CCSER1: variants seen among roughly 807,000 people sequenced by gnomAD.
CCSER1 encodes the protein coiled-coil serine rich protein 1, also known as serine-rich coiled-coil domain-containing protein 1.
CCSER1 carries 41 observed loss-of-function variants against 82.0 expected under a neutral mutation model. That is an observed-to-expected ratio of 0.50 (90% CI 0.39 to 0.65). The LOEUF (loss-of-function observed/expected upper bound fraction) is 0.65. Ranked by LOEUF, CCSER1 falls within the 30% of genes least tolerant of loss-of-function variation. The probability of loss-of-function intolerance (pLI) is 0.00; values close to 1 mark genes in which losing one functional copy is unlikely to be tolerated. For missense variants in CCSER1, 1,119 were observed against 1,064.2 expected (o/e 1.05, Z -0.72); for synonymous variants, 414 against 383.9 (o/e 1.08, Z -0.92).
intron 1 of CCSER1, among the ~76,000 whole-genome samples, chr4:90,233,628 A>G (rs987041511): frequency 4.1e-5 from 4 of 96,754 alleles, no homozygotes; most frequent in African/African-American, 3.1e-4. Flanking sequence ...TATAATAATA[A>G]TAAATTAAAA....
At chr4:91,120,160 A>G (rs1440039536) in intron 10 of CCSER1, among the ~76,000 whole-genome samples, 2 of 152,044 alleles carry the variant, frequency 1.3e-5, no homozygotes, top group East Asian at 1.9e-4. Flanking sequence ...TTAAGAGTCA[A>G]TGATCATACC....
intron 8 of CCSER1, among the ~76,000 whole-genome samples, chr4:90,909,693 C>T (rs186704939): frequency 2.0e-5 from 3 of 152,154 alleles, no homozygotes; most frequent in Admixed American, 1.3e-4. Flanking sequence ...TCCCTCTTTA[C>T]GAGGCCTTTC....
At chr4:90,241,054 C>T (rs1036461638) in intron 1 of CCSER1, among the ~76,000 whole-genome samples, 1 of 152,162 alleles carries the variant, frequency 6.6e-6, no homozygotes, top group Non-Finnish European at 1.5e-5. Context: ...AACTGTTTAG[C>T]CCCAGAGTGT....
Position 91,357,791 on chromosome 4 carries a change from CA to C in CCSER1, c.2218-240780del, listed in dbSNP as rs370150935. Among the ~76,000 whole-genome samples, 73 of 134,624 alleles carry C rather than the reference CA, an allele frequency of 5.4e-4. 1 individual carries two copies. The East Asian group carries it at 0.014, about 26-fold the overall frequency. The allele number at this position is 134,624 out of a possible 152,430, so 88.3% of individuals were successfully genotyped here. ...TCTCAACTTTCTGACTTATTACAAACATTTTTTTTTTCTTTAAACAACCAGT... is the reference window on the plus strand; with the variant it reads ...TCTCAACTTTCTGACTTATTACAAACTTTTTTTTTTCTTTAAACAACCAGT... On this transcript the variant is annotated intron_variant, in intron 10 of 10. Coordinates refer to ENST00000509176, the MANE Select transcript of CCSER1 (RefSeq NM_001145065.2).
intron 10 of CCSER1, among the ~76,000 whole-genome samples, chr4:91,538,698 C>CATATATATTATATATATATATATTATAT (rs1761434103): frequency 7.2e-6 from 1 of 138,340 alleles, no homozygotes; most frequent in Non-Finnish European, 1.5e-5. Flanking sequence ...TATATATACA[C>CATATATATTATATATATATATATTATAT]ATATATATAT....
chr4:91,221,239 C>T (rs1737716320), intron 10 of CCSER1, among the ~76,000 whole-genome samples: 1 of 152,054 alleles, frequency 6.6e-6, no homozygotes, highest in Admixed American at 6.6e-5. Flanking sequence ...TTTCCTCTAA[C>T]ATCTCACTAT....
intron 1 of CCSER1, among the ~76,000 whole-genome samples, chr4:90,307,152 AAG>A (rs1734432964): frequency 6.6e-6 from 1 of 152,148 alleles, no homozygotes; most frequent in African/African-American, 2.4e-5. Flanking sequence ...TAAGGTGTGA[AAG>A]AGATAATCTG....
rs1738859219 is a variant in CCSER1 at position 91,234,567 on chromosome 4, A to G, written c.2217+148573A>G. ...AAAGCATAAACTAAATTTGAATACC[A>G]TAAAATAATATGTGGGATATGAGAC... On this transcript the variant is annotated intron_variant, in intron 10 of 10. Transcript: ENST00000509176. Among the ~76,000 whole-genome samples the G allele has an allele frequency of 9.2e-5, 14 of 152,268 alleles. No individual in the cohort carries two copies. The South Asian group carries it at 2.9e-3, about 31-fold the overall frequency.
intron 5 of CCSER1, among the ~76,000 whole-genome samples, chr4:90,607,207 G>A (rs1459363132): frequency 2.6e-5 from 4 of 152,100 alleles, no homozygotes; most frequent in African/African-American, 9.7e-5. Context: ...TATTTGAAAG[G>A]CAGTGAAAAC....
intron 7 of CCSER1, among the ~76,000 whole-genome samples, chr4:90,753,752 C>T (rs756372126): frequency 1.4e-4 from 21 of 152,088 alleles, no homozygotes; most frequent in African/African-American, 1.9e-4. Flanking sequence ...TCATATCAAA[C>T]GCAAGATTAA....
At chr4:91,199,288 T>C (rs1735708953) in intron 10 of CCSER1, among the ~76,000 whole-genome samples, 4 of 151,764 alleles carry the variant, frequency 2.6e-5, no homozygotes, top group Non-Finnish European at 5.9e-5. Context: ...AGCATGGTAA[T>C]TAGAAGGTGG....
intron 7 of CCSER1, among the ~76,000 whole-genome samples, chr4:90,727,627 A>T (rs1352354629): frequency 6.7e-6 from 1 of 148,812 alleles, no homozygotes; most frequent in Non-Finnish European, 1.5e-5. Flanking sequence ...ACTGTTCTTT[A>T]GTAGGATGAC....
chr4:90,907,558 A>G (rs1306384611), intron 8 of CCSER1, among the ~76,000 whole-genome samples: 6 of 152,088 alleles, frequency 3.9e-5, no homozygotes, highest in Non-Finnish European at 7.4e-5. Context: ...TTCACTCACA[A>G]TGTAAAATTC....
chr4:90,596,749 A>G (rs886189416), intron 5 of CCSER1, among the ~76,000 whole-genome samples: 1 of 151,898 alleles, frequency 6.6e-6, no homozygotes, highest in Non-Finnish European at 1.5e-5. Flanking sequence ...AAGCCCAAAT[A>G]ATAATTTATA....
chr4:90,697,329 GAAGT>G lies in CCSER1; in HGVS notation c.1933-26584_1933-26581del, dbSNP rs1737157194. On this transcript the variant is annotated intron_variant, in intron 6 of 10. Transcript: ENST00000509176. Reference sequence around the variant, plus strand: ...CGCAAGATTGTAAAGTTCAAGATGAGAAGTGTCAGAAGATGCCTTTGACTTGTCT... The same window carrying G: ...CGCAAGATTGTAAAGTTCAAGATGAGGTCAGAAGATGCCTTTGACTTGTCT... 2.0e-5 allele frequency among the ~76,000 whole-genome samples: 3 copies of G among 152,180 alleles called. No individual in the cohort carries two copies. In the South Asian group the frequency reaches 6.2e-4, roughly 32 times the overall value.
chr4:90,440,203 G>A (rs1395000490), intron 4 of CCSER1, among the ~76,000 whole-genome samples: 1 of 151,636 alleles, frequency 6.6e-6, no homozygotes, highest in Admixed American at 6.7e-5. Context: ...CAGCATCTTG[G>A]TTAGTTGCCC....
At chr4:91,113,831 T>C (rs1581581516) in intron 10 of CCSER1, among the ~76,000 whole-genome samples, 1 of 151,480 alleles carries the variant, frequency 6.6e-6, no homozygotes, top group Non-Finnish European at 1.5e-5. Context: ...TTTTTTGCAA[T>C]TTAGCATTTG....
At chr4:90,648,395 T>A (rs1272032208) in intron 6 of CCSER1, among the ~76,000 whole-genome samples, 1 of 151,910 alleles carries the variant, frequency 6.6e-6, no homozygotes, top group Non-Finnish European at 1.5e-5. Flanking sequence ...AAAAATTAAG[T>A]CATACTTAAA....
chr4:91,552,244 G>T (rs1239648804), intron 10 of CCSER1, among the ~76,000 whole-genome samples: 1 of 151,534 alleles, frequency 6.6e-6, no homozygotes, highest in Non-Finnish European at 1.5e-5. Context: ...ATGTGCTTAA[G>T]CTGATAAATG....
Sources: allele counts gnomAD v4.1 joint callset (sites outside exome capture counted in the v4.1 genomes callset), GRCh38; gene constraint gnomAD v4.1.1; transcripts MANE v1.5; gene names NCBI Gene and HGNC (gene_info 2026-07-23, HGNC 2026-07-21).